The following TMTC1 variants were observed in gnomAD, a reference collection of about 807,000 sequenced individuals.
TMTC1 encodes the protein transmembrane O-mannosyltransferase targeting cadherins 1.
TMTC1 carries 73 observed loss-of-function variants against 104.8 expected under a neutral mutation model. That is an observed-to-expected ratio of 0.70 (90% confidence interval 0.58 to 0.85). The LOEUF (loss-of-function observed/expected upper bound fraction) is 0.85, where lower values mean the gene tolerates loss of function less well. TMTC1 is among the 40% of genes least tolerant of loss of function. The pLI, the probability that TMTC1 is intolerant of heterozygous loss-of-function variation, is 0.00. For missense variants in TMTC1, 1,035 were observed against 1,096.1 expected (o/e 0.94, Z 0.79); for synonymous variants, 434 against 428.7 (o/e 1.01, Z -0.15).
At chr12:29,591,271 T>C (rs1200778585) in intron 7 of TMTC1, among the ~76,000 whole-genome samples, 1 of 152,174 alleles carries the variant, frequency 6.6e-6, no homozygotes, top group Admixed American at 6.5e-5. Context: ...AAACGCACTC[T>C]TTCCCTCCAT....
At chr12:29,593,307 T>C (rs1946329308) in intron 7 of TMTC1, among the ~76,000 whole-genome samples, 1 of 152,158 alleles carries the variant, frequency 6.6e-6, no homozygotes, top group African/African-American at 2.4e-5. Context: ...AAAGGTGAAG[T>C]TAAAGGTACC....
At chr12:29,748,841 C>T (rs1943019560) in intron 5 of TMTC1, among the ~76,000 whole-genome samples, 2 of 152,100 alleles carry the variant, frequency 1.3e-5, no homozygotes, top group Non-Finnish European at 2.9e-5. Context: ...ATTAAAAATT[C>T]AAGTAAATAA....
intron 5 of TMTC1, among the ~76,000 whole-genome samples, chr12:29,669,431 A>G (rs1440173089): frequency 6.6e-6 from 1 of 152,222 alleles, no homozygotes; most frequent in Non-Finnish European, 1.5e-5. Flanking sequence ...GTGCAGTGTT[A>G]GCATTGCATG....
At chr12:29,780,578 G>A (rs926806850) in intron 1 of TMTC1, among the ~76,000 whole-genome samples, 4 of 152,262 alleles carry the variant, frequency 2.6e-5, no homozygotes, top group South Asian at 4.1e-4. Flanking sequence ...GAATTGTTCC[G>A]TATCTTGACT....
At chr12:29,618,844 G>C (rs1342446507) in intron 6 of TMTC1, among the ~76,000 whole-genome samples, 2 of 152,170 alleles carry the variant, frequency 1.3e-5, no homozygotes, top group Non-Finnish European at 2.9e-5. Context: ...GATGGAAATG[G>C]AAAGGACAGA....
intron 6 of TMTC1, among the ~76,000 whole-genome samples, chr12:29,624,417 G>C (rs1301847909): frequency 6.6e-6 from 1 of 152,182 alleles, no homozygotes; most frequent in Non-Finnish European, 1.5e-5. Context: ...GGCTTAAAAA[G>C]ATAGAGGTTT....
upstream of TMTC1, chr12:29,784,270 G>A (rs929750841): frequency 6.6e-6 from 1 of 152,316 alleles, no homozygotes; most frequent in Non-Finnish European, 1.5e-5. Context: ...GACCCAGGAG[G>A]GTTTAGCAGG....
chr12:29,667,964 A>G (rs1428510043), intron 5 of TMTC1, among the ~76,000 whole-genome samples: 2 of 152,194 alleles, frequency 1.3e-5, no homozygotes, highest in African/African-American at 4.8e-5. Flanking sequence ...CAGGGATCTC[A>G]TGGCTGGCAA....
At chr12:29,530,936 T>C (rs976969177) in intron 11 of TMTC1, among the ~76,000 whole-genome samples, 19 of 152,210 alleles carry the variant, frequency 1.2e-4, no homozygotes, top group African/African-American at 4.6e-4. Context: ...GATATCAGAT[T>C]AAAGGTAACC....
chr12:29,643,532 T>G (rs1329313218), intron 5 of TMTC1, among the ~76,000 whole-genome samples: 1 of 64,726 alleles, frequency 1.5e-5, no homozygotes, highest in African/African-American at 7.5e-5. Flanking sequence ...ATATAAAATA[T>G]ATAATATATA....
chr12:29,663,591 A>T (rs1333890795), intron 5 of TMTC1, among the ~76,000 whole-genome samples: 1 of 151,744 alleles, frequency 6.6e-6, no homozygotes, highest in South Asian at 2.1e-4. Flanking sequence ...ATCTCAGCTC[A>T]CTGCAACTTC....
At chr12:29,722,289 C>T (rs574875476) in intron 5 of TMTC1, among the ~76,000 whole-genome samples, 11 of 152,152 alleles carry the variant, frequency 7.2e-5, no homozygotes, top group Non-Finnish European at 1.5e-4. Flanking sequence ...CACAAAAGAG[C>T]GGTGGTGATC....
intron 5 of TMTC1, among the ~76,000 whole-genome samples, chr12:29,644,098 T>TATAA (rs1186066041): frequency 5.0e-5 from 4 of 79,656 alleles, no homozygotes; most frequent in African/African-American, 1.1e-4. Flanking sequence ...TAAATATAAA[T>TATAA]ATATAAATAT....
chr12:29,643,784 TATATATTTATATAC>T, intron 5 of TMTC1, among the ~76,000 whole-genome samples: 1 of 62,380 alleles, frequency 1.6e-5, no homozygotes, highest in African/African-American at 7.0e-5. Context: ...TATATATTTA[TATATATTTATATAC>T]ATATTTATAT....
intron 5 of TMTC1, among the ~76,000 whole-genome samples, chr12:29,650,690 C>A (rs1274233938): frequency 1.3e-5 from 2 of 152,144 alleles, no homozygotes; most frequent in Non-Finnish European, 2.9e-5. Context: ...AGCAGGGAAA[C>A]CTTTCTAAAG....
At chr12:29,778,879 C>T (rs946392603) in intron 1 of TMTC1, among the ~76,000 whole-genome samples, 10 of 152,160 alleles carry the variant, frequency 6.6e-5, no homozygotes, top group Non-Finnish European at 1.5e-4. Context: ...TGTCTATTAT[C>T]CAAGTTGAAA....
At chr12:29,512,158 A>G (rs773669895) in intron 16 of TMTC1, 38 bp from the exon 17 acceptor site, 1 of 1,538,076 alleles carries the variant, frequency 6.5e-7, no homozygotes, top group Non-Finnish European at 8.8e-7. Context: ...TAGGAAACAA[A>G]CCTCCAAACT....
chr12:29,720,722 A>T (rs1358066700), intron 5 of TMTC1, among the ~76,000 whole-genome samples: 2 of 152,162 alleles, frequency 1.3e-5, no homozygotes, highest in Non-Finnish European at 2.9e-5. Flanking sequence ...GAAAAAGATA[A>T]ACAATGAATA....
chr12:29,585,451 C>A (rs1323240896), intron 7 of TMTC1, among the ~76,000 whole-genome samples: 4 of 152,138 alleles, frequency 2.6e-5, no homozygotes, highest in Admixed American at 6.5e-5. Context: ...TTAATTAGAA[C>A]CCATTTGTCA....
Sources: gnomAD v4.1 joint callset for allele counts (sites outside exome capture counted in the v4.1 genomes callset) on GRCh38, gnomAD v4.1.1 for gene constraint, MANE v1.5 for transcripts, NCBI Gene and HGNC (gene_info 2026-07-23, HGNC 2026-07-21) for gene names.